THSD7B: variants seen among roughly 807,000 people sequenced by gnomAD.
THSD7B encodes the protein thrombospondin type-1 domain-containing protein 7B.
THSD7B carries 138 observed loss-of-function variants against 213.6 expected under a neutral mutation model. The ratio of observed to expected loss-of-function variants is 0.65; its 90% CI spans 0.56 to 0.74. The LOEUF (loss-of-function observed/expected upper bound fraction) is 0.74, where lower values mean the gene tolerates loss of function less well. THSD7B is among the 30% of genes least tolerant of loss of function. The pLI is 0.00. For synonymous variants in THSD7B, 742 were observed against 687.0 expected (o/e 1.08, Z -1.25); for missense variants, 1,931 against 1,991.5 (o/e 0.97, Z 0.58).
chr2:137,084,362 G>A (rs1687800705), intron 3 of THSD7B, among the ~76,000 whole-genome samples: 1 of 152,176 alleles, frequency 6.6e-6, no homozygotes. Context: ...GTAAAGCGAT[G>A]AGTGGTAATT....
chr2:136,937,594 T>C (rs1684757063), intron 2 of THSD7B, among the ~76,000 whole-genome samples: 1 of 152,196 alleles, frequency 6.6e-6, no homozygotes, highest in South Asian at 2.1e-4. Flanking sequence ...TTGCAGAGTA[T>C]TTAATGGTGC....
chr2:137,054,505 C>T (rs926095735), intron 2 of THSD7B, among the ~76,000 whole-genome samples: 3 of 152,208 alleles, frequency 2.0e-5, no homozygotes, highest in African/African-American at 7.2e-5. Flanking sequence ...GGCCCCAGTG[C>T]AGATAACCTG....
chr2:136,905,820 A>G (rs967200453), intron 2 of THSD7B, among the ~76,000 whole-genome samples: 1 of 152,246 alleles, frequency 6.6e-6, no homozygotes, highest in Admixed American at 6.5e-5. Flanking sequence ...ACAGAACTCC[A>G]GGGACAGTCA....
chr2:137,554,026 C>CTT (rs59453034), intron 15 of THSD7B, among the ~76,000 whole-genome samples: 2 of 143,810 alleles, frequency 1.4e-5, no homozygotes, highest in Admixed American at 6.9e-5. Flanking sequence ...AAGATAGCTA[C>CTT]TTTTTTTTTT....
At chr2:136,805,255 A>G (rs1216766328) in intron 1 of THSD7B, among the ~76,000 whole-genome samples, 2 of 152,190 alleles carry the variant, frequency 1.3e-5, no homozygotes, top group African/African-American at 4.8e-5. Context: ...CCTTCAACCG[A>G]TAAAACTTCT....
At chr2:137,358,857 G>C (rs938461354) in intron 12 of THSD7B, among the ~76,000 whole-genome samples, 11 of 152,108 alleles carry the variant, frequency 7.2e-5, no homozygotes, top group African/African-American at 2.7e-4. Flanking sequence ...CACAACCTGG[G>C]TTTGGATGTT....
chr2:137,203,008 G>C (rs924454912), intron 7 of THSD7B, among the ~76,000 whole-genome samples: 1 of 150,628 alleles, frequency 6.6e-6, no homozygotes, highest in Non-Finnish European at 1.5e-5. Context: ...ATGGATAGAA[G>C]GAGGCATGGA....
chr2:137,350,969 T>C (rs1685000349), intron 12 of THSD7B, among the ~76,000 whole-genome samples: 1 of 151,810 alleles, frequency 6.6e-6, no homozygotes, highest in African/African-American at 2.4e-5. Context: ...TCTGGATATG[T>C]CAAGTTTGAA....
chr2:137,197,217 G>A (rs1007729511), intron 7 of THSD7B, among the ~76,000 whole-genome samples: 6 of 152,272 alleles, frequency 3.9e-5, no homozygotes, highest in Middle Eastern at 3.4e-3. Context: ...AAAAAGGTCC[G>A]GAAATTAGGC....
chr2:137,630,881 C>G (rs768375505), intron 20 of THSD7B, among the ~76,000 whole-genome samples: 4 of 152,184 alleles, frequency 2.6e-5, no homozygotes, highest in Non-Finnish European at 5.9e-5. Flanking sequence ...CAGTTCTCAG[C>G]TGATGTCTTT....
Position 137,657,144 on chromosome 2 carries a change from T to C in THSD7B, c.4359T>C (p.Asp1453=), listed in dbSNP as rs1683252537. ...GAACTGTATGGTGCCAGCGTTCAGA[T>C]GGCGTTAATGTCACAGGTATTCCTG... ...NERTVWCQRS[D]GVNVTGGCSP... is the part of the protein sequence containing the mutation. Residue 1453 remains aspartate (D), a synonymous_variant, in exon 24 of 28, where the codon GAT becomes GAC. Transcript: ENST00000409968. The C allele has an allele frequency of 1.2e-6, 2 of 1,614,016 alleles. No individual in the cohort carries two copies. Among genetic ancestry groups the C allele is most frequent in the East Asian group, 2.2e-5 (1 of 44,880 alleles).
intron 17 of THSD7B, among the ~76,000 whole-genome samples, chr2:137,597,660 A>G (rs1382203242): frequency 2.6e-5 from 4 of 152,070 alleles, no homozygotes; most frequent in African/African-American, 9.7e-5. Context: ...AAAGACACAA[A>G]ATCAATGAAG....
intron 2 of THSD7B, among the ~76,000 whole-genome samples, chr2:136,969,005 A>G (rs1484685176): frequency 6.6e-6 from 1 of 152,096 alleles, no homozygotes; most frequent in Non-Finnish European, 1.5e-5. Flanking sequence ...TTTTATCCCA[A>G]ACTTTGAGAT....
At chr2:137,675,192 A>G (rs72844595) in intron 27 of THSD7B, among the ~76,000 whole-genome samples, 12,746 of 151,828 alleles carry the variant, frequency 0.084, 665 homozygotes, top group South Asian at 0.17. Flanking sequence ...TGGGGGAGGG[A>G]CTGCTTGGAA....
At chr2:136,985,330 T>A (rs1685652656) in intron 2 of THSD7B, among the ~76,000 whole-genome samples, 1 of 152,144 alleles carries the variant, frequency 6.6e-6, no homozygotes, top group African/African-American at 2.4e-5. Context: ...GAGAGAATAA[T>A]TTCAGGATCC....
At chr2:136,876,207 A>G (rs1402325398) in intron 1 of THSD7B, among the ~76,000 whole-genome samples, 1 of 152,190 alleles carries the variant, frequency 6.6e-6, no homozygotes, top group African/African-American at 2.4e-5. Flanking sequence ...CACAGTCATC[A>G]TCTTTATCAA....
At chr2:137,404,430 G>GATATAT (rs59001356) in intron 12 of THSD7B, among the ~76,000 whole-genome samples, 26 of 49,314 alleles carry the variant, frequency 5.3e-4, no homozygotes, top group East Asian at 1.6e-3. Context: ...GAAACTCTGA[G>GATATAT]ATATATATAT....
chr2:136,821,930 T>C (rs1277298550), intron 1 of THSD7B, among the ~76,000 whole-genome samples: 1 of 152,158 alleles, frequency 6.6e-6, no homozygotes, highest in African/African-American at 2.4e-5. Context: ...AATAAATGTA[T>C]GCTGTCTACA....
chr2:136,793,691 A>T (rs928449092), intron 1 of THSD7B, among the ~76,000 whole-genome samples: 3 of 151,916 alleles, frequency 2.0e-5, no homozygotes, highest in Non-Finnish European at 4.4e-5. Context: ...TTTGGTTAGA[A>T]TTTTTGTATC....
Sources: allele counts gnomAD v4.1 joint callset (sites outside exome capture counted in the v4.1 genomes callset), GRCh38; gene constraint gnomAD v4.1.1; transcripts MANE v1.5; gene names NCBI Gene and HGNC (gene_info 2026-07-23, HGNC 2026-07-21).